The following DTX2 variants were observed in gnomAD, a reference collection of about 807,000 sequenced individuals.
The protein encoded by DTX2 is deltex E3 ubiquitin ligase 2.
In DTX2, 29 loss-of-function variants were observed where a neutral mutation model predicts 55.3. The ratio of observed to expected loss-of-function variants is 0.52; its 90% CI spans 0.39 to 0.71. The LOEUF (loss-of-function observed/expected upper bound fraction) is 0.71, where lower values mean the gene tolerates loss of function less well. Among genes scored for constraint, DTX2 ranks in the 30% least tolerant of loss-of-function variants. The probability of loss-of-function intolerance (pLI) is 0.00; values close to 1 mark genes in which losing one functional copy is unlikely to be tolerated. For synonymous variants in DTX2, 276 were observed against 340.4 expected, an observed-to-expected ratio of 0.81 and a Z score of 2.08; for missense variants, 537 against 822.5, an observed-to-expected ratio of 0.65 and a Z score of 4.25.
intron 2 of DTX2, among the ~76,000 whole-genome samples, chr7:76,472,781 G>A (rs544213095): frequency 2.0e-5 from 3 of 152,052 alleles, no homozygotes; most frequent in South Asian, 4.2e-4. Context: ...GTCTTCTATC[G>A]TTTCTCCACT....
intron 4 of DTX2, among the ~76,000 whole-genome samples, chr7:76,491,296 A>AATT (rs1226075636): frequency 1.1e-4 from 12 of 111,396 alleles, no homozygotes; most frequent in Non-Finnish European, 1.1e-4. Context: ...GCACCCAGCC[A>AATT]TTTTTTTTTT....
At position 76,505,068 on chromosome 7, in the gene DTX2, G is replaced by A. The variant is rs1411521873; in HGVS notation, c.1642-306G>A. Among the ~76,000 whole-genome samples the A allele has an allele frequency of 3.3e-5, 5 of 150,872 alleles. No individual in the cohort carries two copies. The highest frequency in any genetic ancestry group is 4.9e-5 in the African/African-American group (2 of 40,994). On this transcript the variant is annotated intron_variant, in intron 10 of 10. Transcript: ENST00000430490. This position sits in a 1 kb window ranked among gnomAD's most constrained non-coding sequence, Gnocchi z 4.4. ...CACCAGGGAGGGTGGGTGGGCGGGCGCTCGTCCAGCAACGGCTGTGGAAGC... is the reference window on the plus strand; with the variant it reads ...CACCAGGGAGGGTGGGTGGGCGGGCACTCGTCCAGCAACGGCTGTGGAAGC...
At position 76,505,077 on chromosome 7, in the gene DTX2, G is replaced by A. The variant is rs941931208; in HGVS notation, c.1642-297G>A. The stretch of plus-strand genomic sequence containing the variant: ...GGGTGGGTGGGCGGGCGCTCGTCCA[G>A]CAACGGCTGTGGAAGCAGGGAGGAC... On this transcript the variant is annotated intron_variant, in intron 10 of 10. Transcript: ENST00000430490. The surrounding 1 kb of genome is among the most constrained non-coding windows in gnomAD (Gnocchi z 4.4). Among the ~76,000 whole-genome samples the A allele has an allele frequency of 6.6e-6, 1 of 151,760 alleles. No individual in the cohort carries two copies.
chr7:76,474,507 G>A (rs1638083), intron 2 of DTX2: 6 of 151,452 alleles, frequency 4.0e-5, no homozygotes, highest in Non-Finnish European at 7.4e-5. Context: ...TCTTCTCTCG[G>A]GACGGCAGAG....
chr7:76,486,758 T>A (rs1477118054), intron 4 of DTX2, among the ~76,000 whole-genome samples: 6 of 138,218 alleles, frequency 4.3e-5, no homozygotes, highest in African/African-American at 1.6e-4. Flanking sequence ...CTCAGCGAGG[T>A]GAAGCCTGTG....
chr7:76,502,371 G>T lies in DTX2; in HGVS notation c.1304G>T (p.Gly435Val), dbSNP rs773707841. Residue 435 changes from glycine to valine, a missense_variant, in exon 8 of 11, where the codon GGG becomes GTG. Around this residue, in one of 7 missense-constraint regions of DTX2, gnomAD observed 121 missense variants for 136.8 expected, o/e 0.88. Coordinates refer to ENST00000430490, the MANE Select transcript of DTX2 (RefSeq NM_001102594.3). ...GATGTGACTGACAGCAAGGCAATCGGGTCCCTAGCTGTGGGCCACCTCACC... is the reference window on the plus strand; with the variant it reads ...GATGTGACTGACAGCAAGGCAATCGTGTCCCTAGCTGTGGGCCACCTCACC... Reference protein sequence around the residue: ...YSDVTDSKAIGSLAVGHLTKC... With the variant: ...YSDVTDSKAIVSLAVGHLTKC... 4 of 1,612,386 alleles carry T rather than the reference G, an allele frequency of 2.5e-6. No homozygotes were observed. The highest frequency in any genetic ancestry group is 3.4e-6 in the Non-Finnish European group (4 of 1,179,892).
intron 5 of DTX2, among the ~76,000 whole-genome samples, chr7:76,494,942 G>A (rs1307926597): frequency 2.0e-5 from 2 of 97,750 alleles, no homozygotes; most frequent in Non-Finnish European, 4.5e-5. Context: ...CTGCGGAGAC[G>A]AGCGTTTGCG....
rs1239660487 is a variant in DTX2 at position 76,505,016 on chromosome 7, A to C, written c.1642-358A>C. ...GCGGAGCTGGAGGCGGGGAGAGGGCAGGGAGAGGGCAGGGAGGCCTGGATT... is the reference window on the plus strand; with the variant it reads ...GCGGAGCTGGAGGCGGGGAGAGGGCCGGGAGAGGGCAGGGAGGCCTGGATT... On this transcript the variant is annotated intron_variant, in intron 10 of 10. Transcript: ENST00000430490. The surrounding 1 kb of genome is among the most constrained non-coding windows in gnomAD (Gnocchi z 4.4). Among the ~76,000 whole-genome samples the C allele has an allele frequency of 1.5e-5, 1 of 65,586 alleles. No homozygotes were observed. The highest frequency in any genetic ancestry group is 6.0e-5 in the African/African-American group (1 of 16,656). The allele number at this position is 65,586 out of a possible 152,430, so 43.0% of individuals were successfully genotyped here. A position where few individuals can be genotyped will look rare whatever the true frequency, so the allele number is the denominator to read the frequency against.
chr7:76,480,288 G>A (rs549025603), intron 2 of DTX2, 133 bp from the exon 3 acceptor site: 2 of 531,568 alleles, frequency 3.8e-6, no homozygotes, highest in Admixed American at 3.7e-5. Flanking sequence ...CTGGGTGAGA[G>A]AGTGAGACCC....
intron 6 of DTX2, among the ~76,000 whole-genome samples, chr7:76,498,389 C>A (rs561849241): frequency 1.3e-5 from 2 of 151,898 alleles, no homozygotes; most frequent in East Asian, 4.0e-4. Context: ...CCTGCCCTTC[C>A]CCTGCCCTGG....
chr7:76,468,292 C>G (rs957107173), intron 2 of DTX2, among the ~76,000 whole-genome samples: 1 of 151,292 alleles, frequency 6.6e-6, no homozygotes, highest in African/African-American at 2.4e-5. Context: ...CAAAGCTAGC[C>G]AGAGGCAGAG....
intron 2 of DTX2, among the ~76,000 whole-genome samples, chr7:76,474,210 CTTTCTTTCTTTTCT>C (rs1483126383): frequency 1.6e-5 from 2 of 126,430 alleles, no homozygotes; most frequent in Admixed American, 1.7e-4. Context: ...TTTTTCTTTT[CTTTCTTTCTTTTCT>C]TTTTTTTTTT....
At position 76,505,350 on chromosome 7, in the gene DTX2, T is replaced by C. The variant is rs1403065288; in HGVS notation, c.1642-24T>C. 1.3e-6 allele frequency: 2 copies of C among 1,547,876 alleles called. No homozygotes were observed. Among genetic ancestry groups the C allele is most frequent in the Non-Finnish European group, 1.7e-6 (2 of 1,143,114 alleles). The stretch of plus-strand genomic sequence containing the variant: ...CTCACTCTCCGTCCCCTCCTTCCTC[T>C]TCCCCCTCCTCCTCCCCGGGCAGGT... On this transcript the variant is annotated intron_variant, in intron 10 of 10. Coordinates refer to ENST00000430490, the MANE Select transcript of DTX2 (RefSeq NM_001102594.3). The surrounding 1 kb of genome is among the most constrained non-coding windows in gnomAD (Gnocchi z 4.4).
intron 2 of DTX2, among the ~76,000 whole-genome samples, chr7:76,467,540 AAT>A (rs1807309796): frequency 1.1e-5 from 1 of 92,120 alleles, no homozygotes; most frequent in South Asian, 4.7e-4. Context: ...GTCTATTGCA[AAT>A]ATCTTCTCCC....
chr7:76,495,810 C>G (rs1313378875), intron 5 of DTX2, among the ~76,000 whole-genome samples: 1 of 151,572 alleles, frequency 6.6e-6, no homozygotes. Context: ...GGACAGGCCC[C>G]GTCAGGCAGT....
Position 76,491,143 on chromosome 7 carries a change from G to A in DTX2, c.909-1010G>A, listed in dbSNP as rs566984725. 6.3e-4 allele frequency among the ~76,000 whole-genome samples: 95 copies of A among 151,536 alleles called. 1 individual carries two copies. Among genetic ancestry groups the A allele is most frequent in the African/African-American group, 1.9e-3 (77 of 41,188 alleles). On this transcript the variant is annotated intron_variant, in intron 4 of 10. Transcript: ENST00000430490. ...CTCCCAAGTAGCTGGGATTACAGGC[G>A]CCTGCCACCACGCCTGGCTAATTTT...
chr7:76,474,188 T>A (rs879326527), intron 2 of DTX2, among the ~76,000 whole-genome samples: 3 of 83,768 alleles, frequency 3.6e-5, no homozygotes, highest in African/African-American at 1.4e-4. Flanking sequence ...TTTTTTTTTC[T>A]TTTTCTTTTT....
intron 3 of DTX2, among the ~76,000 whole-genome samples, chr7:76,481,212 A>C (rs1248537561): frequency 6.8e-6 from 1 of 146,568 alleles, no homozygotes; most frequent in African/African-American, 2.5e-5. Context: ...TTTGAGACGG[A>C]GTCTGGCTCT....
At chr7:76,483,346 G>T (rs79750972) in intron 4 of DTX2, among the ~76,000 whole-genome samples, 199 bp downstream of exon 4, 1 of 145,056 alleles carries the variant, frequency 6.9e-6, no homozygotes, top group Non-Finnish European at 1.5e-5. Context: ...GAGTCCTGGC[G>T]GTCACCACAC....
Sources: gnomAD v4.1 joint callset for allele counts (sites outside exome capture counted in the v4.1 genomes callset) on GRCh38, gnomAD v4.1.1 for gene constraint, gnomAD v4.1.1 regional missense constraint, Gnocchi (gnomAD v3.1) non-coding constraint, MANE v1.5 for transcripts, NCBI Gene and HGNC (gene_info 2026-07-23, HGNC 2026-07-21) for gene names.